FBXL22: variants seen among roughly 807,000 people sequenced by gnomAD.
The protein encoded by FBXL22 is F-box and leucine rich repeat protein 22.
Under a neutral mutation model 11.7 loss-of-function variants are expected in FBXL22, and 13 were observed. That is an observed-to-expected ratio of 1.11 (90% CI 0.73 to 1.77). FBXL22 has a LOEUF of 1.77. FBXL22 is among the 40% of genes most tolerant of loss of function. The pLI, the probability that FBXL22 is intolerant of heterozygous loss-of-function variation, is 0.00. For synonymous variants in FBXL22, 160 were observed against 144.1 expected (o/e 1.11, Z -0.79); for missense variants, 406 against 320.4 (o/e 1.27, Z -2.04).
chr15:63,600,790 C>T lies in FBXL22; in HGVS notation c.447C>T (p.Arg149=). 3.2e-6 allele frequency: 4 copies of T among 1,231,220 alleles called. No homozygotes were observed. In the South Asian group the frequency reaches 1.2e-4, roughly 38 times the overall value. 76.3% of individuals were successfully genotyped at this position (1,231,220 alleles called of 1,614,324 possible). A position where few individuals can be genotyped will look rare whatever the true frequency, so the allele number is the denominator to read the frequency against. ...ARLLRCCPRL[R]ALRLENCARV... is the part of the protein sequence containing the mutation. Reference sequence around the variant, plus strand: ...TGCTGCGCTGCTGCCCACGCCTGCGCGCACTGCGCCTGGAGAACTGCGCGC... The same window carrying T: ...TGCTGCGCTGCTGCCCACGCCTGCGTGCACTGCGCCTGGAGAACTGCGCGC... The change falls in exon 2 of 2, where the codon CGC becomes CGT. Residue 149 remains arginine, a synonymous_variant. Coordinates refer to ENST00000638704, the MANE Select transcript of FBXL22 (RefSeq NM_001367807.1).
chr15:63,608,453 A>T, the FBXL22 span, among the ~76,000 whole-genome samples: 1 of 152,158 alleles, frequency 6.6e-6, no homozygotes, highest in Non-Finnish European at 1.5e-5. Context: ...CTGATACGTT[A>T]TTTCCAAGTG....
chr15:63,599,583 G>T, intron 1 of FBXL22: 1 of 1,017,104 alleles, frequency 9.8e-7, no homozygotes, highest in South Asian at 4.4e-5. Flanking sequence ...CCTGAAGGAG[G>T]CCCGGGCTCG....
At chr15:63,601,497 CCCGCCGGCTCCCGGAGTGTCCTGGGGA>C (rs776249403), downstream of FBXL22, 10 of 1,547,386 alleles carry the variant, frequency 6.5e-6, no homozygotes, top group African/African-American at 6.9e-5. Flanking sequence ...CCAGCGAGAC[CCCGCCGGCTCCCGGAGTGTCCTGGGGA>C]CCGCCACCTC....
At chr15:63,600,195 CCTT>C in intron 1 of FBXL22, 1 of 986,472 alleles carries the variant, frequency 1.0e-6, no homozygotes, top group African/African-American at 1.7e-5. Flanking sequence ...GCCCCCACCG[CCTT>C]GAGGGTTGGG....
At chr15:63,602,730 G>T (rs751279159), downstream of FBXL22, among the ~76,000 whole-genome samples, 4 of 152,078 alleles carry the variant, frequency 2.6e-5, no homozygotes, top group Admixed American at 6.6e-5. Flanking sequence ...TCACTGAGAA[G>T]ATGACATCTG....
downstream of FBXL22, among the ~76,000 whole-genome samples, chr15:63,604,547 G>A (rs1289006198): frequency 6.6e-6 from 1 of 152,176 alleles, no homozygotes; most frequent in South Asian, 2.1e-4. Flanking sequence ...CCCAGAAGGT[G>A]GGCACTGATG....
chr15:63,600,025 G>A, intron 1 of FBXL22: 2 of 985,770 alleles, frequency 2.0e-6, no homozygotes, highest in Non-Finnish European at 1.2e-6. Flanking sequence ...GGTCCCCCAA[G>A]CTTTCTGGCC....
In FBXL22 at chr15:63,600,933, G is replaced by A; in HGVS notation, c.590G>A (p.Cys197Tyr). 8.3e-7 allele frequency: 1 copy of A among 1,205,380 alleles called. No homozygotes were observed. Among genetic ancestry groups the A allele is most frequent in the Non-Finnish European group, 1.0e-6 (1 of 970,976 alleles). 74.7% of individuals were successfully genotyped at this position (1,205,380 alleles called of 1,614,324 possible). A position where few individuals can be genotyped will look rare whatever the true frequency, so the allele number is the denominator to read the frequency against. ...GGCCTGCGCCGCCTGCGCGCCGCGTGCCCGCGCCTGGCCCTGCGGGCAGAG... is the reference window on the plus strand; with the variant it reads ...GGCCTGCGCCGCCTGCGCGCCGCGTACCCGCGCCTGGCCCTGCGGGCAGAG... Reference protein sequence around the residue: ...AAGLRRLRAACPRLALRAEHS... With the variant: ...AAGLRRLRAAYPRLALRAEHS... Residue 197 changes from cysteine (C) to tyrosine (Y), a missense_variant, in exon 2 of 2, where the codon TGC becomes TAC. Physicochemically the swap from Cys to Tyr is radical, Grantham distance 194. Transcript: ENST00000638704.
downstream of FBXL22, chr15:63,601,907 GC>G: frequency 1.6e-6 from 1 of 614,044 alleles, no homozygotes; most frequent in East Asian, 3.3e-5. Flanking sequence ...TGTTGGATTT[GC>G]TGGACATGAG....
downstream of FBXL22, chr15:63,601,331 C>T: frequency 6.2e-7 from 1 of 1,601,518 alleles, no homozygotes; most frequent in Non-Finnish European, 8.5e-7. Context: ...AGGCGGGAGG[C>T]GCCTGCACCG....
chr15:63,597,635 C>A lies in FBXL22; in HGVS notation c.243C>A (p.Ser81Arg). 6.2e-7 allele frequency: 1 copy of A among 1,613,448 alleles called. No individual in the cohort carries two copies. Among genetic ancestry groups the A allele is most frequent in the Non-Finnish European group, 8.5e-7 (1 of 1,179,998 alleles). Residue 81 changes from serine (S) to arginine (R), a missense_variant, in exon 1 of 2, where the codon AGC becomes AGA. Ser to Arg is a moderately radical substitution (Grantham distance 110). Coordinates refer to ENST00000638704, the MANE Select transcript of FBXL22 (RefSeq NM_001367807.1). The surrounding 1 kb of genome is among the most constrained non-coding windows in gnomAD (Gnocchi z 4.3). ...LRSLSICWHS[S>R]RVQVCSIEDW... Reference sequence around the variant, plus strand: ...GCCTCTCCATCTGCTGGCACTCCAGCCGCGTGCAGGTGTGCAGCATTGAGG... The same window carrying A: ...GCCTCTCCATCTGCTGGCACTCCAGACGCGTGCAGGTGTGCAGCATTGAGG...
rs367605652 is a variant in FBXL22 at position 63,597,516 on chromosome 15, G to A, written c.124G>A (p.Val42Met). The A allele has an allele frequency of 2.0e-5, 32 of 1,613,984 alleles. No individual in the cohort carries two copies. In the Middle Eastern group the frequency reaches 4.9e-4, roughly 25 times the overall value. ...LARTCSQLHD[V>M]FEDPALWSLL... ...CAGGACCTGCTCCCAGCTCCACGACGTGTTTGAGGACCCCGCACTCTGGTC... is the reference window on the plus strand; with the variant it reads ...CAGGACCTGCTCCCAGCTCCACGACATGTTTGAGGACCCCGCACTCTGGTC... The change falls in exon 1 of 2, where the codon GTG becomes ATG. Residue 42 changes from valine (V) to methionine (M), a missense_variant. By Grantham distance (21) the Val-to-Met change is conservative. Transcript: ENST00000638704. The surrounding 1 kb of genome is among the most constrained non-coding windows in gnomAD (Gnocchi z 4.3).
intron 1 of FBXL22, chr15:63,600,437 G>C: frequency 8.3e-7 from 1 of 1,204,334 alleles, no homozygotes; most frequent in Non-Finnish European, 1.0e-6. Context: ...GCCGGGGTCG[G>C]GGCTTCCCAC....
In FBXL22 at chr15:63,599,412, T is replaced by C. The variant is rs908940307; in HGVS notation, c.354-1285T>C. 60 of 1,365,144 alleles carry C rather than the reference T, an allele frequency of 4.4e-5. 1 individual carries two copies. Among genetic ancestry groups the C allele is most frequent in the Admixed American group, 1.7e-4 (5 of 29,722 alleles). The allele number at this position is 1,365,144 out of a possible 1,614,324, so 84.6% of individuals were successfully genotyped here. On this transcript the variant is annotated intron_variant, in intron 1 of 1. Transcript: ENST00000638704. The stretch of plus-strand genomic sequence containing the variant: ...CCTTGAAGGTAACAATTCCTCCCAC[T>C]TGACAAATGAGGAAGTGACGCCCAG...
At position 63,600,949 on chromosome 15, in the gene FBXL22, G is replaced by A. The variant is rs1331450727; in HGVS notation, c.606G>A (p.Leu202=). ...RLRAACPRLA[L]RAEHSAAMLP... ...GCGCCGCGTGCCCGCGCCTGGCCCT[G>A]CGGGCAGAGCACAGCGCCGCCATGC... is the stretch of plus-strand genomic sequence containing the variant. The change falls in exon 2 of 2, where the codon CTG becomes CTA. Residue 202 remains leucine (L), a synonymous_variant. Coordinates refer to ENST00000638704, the MANE Select transcript of FBXL22 (RefSeq NM_001367807.1). 4 of 1,198,520 alleles carry A rather than the reference G, an allele frequency of 3.3e-6. No individual in the cohort carries two copies. Among genetic ancestry groups the A allele is most frequent in the African/African-American group, 1.6e-5 (1 of 62,982 alleles). The allele number at this position is 1,198,520 out of a possible 1,614,324, so 74.2% of individuals were successfully genotyped here.
downstream of FBXL22, among the ~76,000 whole-genome samples, chr15:63,606,446 C>A (rs2067413274): frequency 1.3e-5 from 2 of 152,174 alleles, no homozygotes; most frequent in Non-Finnish European, 2.9e-5. Flanking sequence ...GGCCAGCAAA[C>A]AACTGCCTAA....
At chr15:63,600,454 C>G in intron 1 of FBXL22, 1 of 1,213,744 alleles carries the variant, frequency 8.2e-7, no homozygotes, top group Non-Finnish European at 1.0e-6. Flanking sequence ...CCACTAGGGG[C>G]TCCCAAGGCT....
In FBXL22 at chr15:63,597,438, T is replaced by C; in HGVS notation, c.46T>C (p.Cys16Arg). The C allele has an allele frequency of 1.2e-6, 2 of 1,613,568 alleles. No homozygotes were observed. The highest frequency in any genetic ancestry group is 1.1e-5 in the South Asian group (1 of 91,070). Residue 16 changes from cysteine to arginine, a missense_variant, in exon 1 of 2, where the codon TGC (cysteine) becomes CGC (arginine). Transcript: ENST00000638704. The surrounding 1 kb of genome is among the most constrained non-coding windows in gnomAD (Gnocchi z 4.3). Reference protein sequence around the residue: ...TMHITQLNRECLLHLFSFLDK... With the variant: ...TMHITQLNRERLLHLFSFLDK... ...GCACATAACCCAGCTCAACCGGGAGTGCCTGCTGCACCTCTTCTCCTTCCT... is the reference window on the plus strand; with the variant it reads ...GCACATAACCCAGCTCAACCGGGAGCGCCTGCTGCACCTCTTCTCCTTCCT...
downstream of FBXL22, among the ~76,000 whole-genome samples, chr15:63,603,976 A>G (rs2067400928): frequency 6.6e-6 from 1 of 152,180 alleles, no homozygotes; most frequent in South Asian, 2.1e-4. Flanking sequence ...CAGGGGGTTG[A>G]ATGTTTGTCT....
Sources: gnomAD v4.1 joint callset for allele counts (sites outside exome capture counted in the v4.1 genomes callset) on GRCh38, gnomAD v4.1.1 for gene constraint, Gnocchi (gnomAD v3.1) non-coding constraint, MANE v1.5 for transcripts, NCBI Gene and HGNC (gene_info 2026-07-23, HGNC 2026-07-21) for gene names.